The following GRM8 variants were observed in gnomAD, a reference collection of about 807,000 sequenced individuals.
GRM8 encodes glutamate metabotropic receptor 8.
GRM8 carries 47 observed loss-of-function variants against 87.2 expected under a neutral mutation model. That is an observed-to-expected ratio of 0.54 (90% confidence interval 0.43 to 0.69). GRM8 has a LOEUF of 0.69. GRM8 is among the 30% of genes least tolerant of loss of function. GRM8 has a pLI of 0.00. For missense variants in GRM8, 1,019 were observed against 1,139.2 expected (o/e 0.89, Z 1.52); for synonymous variants, 396 against 404.5 (o/e 0.98, Z 0.25).
chr7:126,534,546 C>T (rs940789418), intron 8 of GRM8, among the ~76,000 whole-genome samples: 1 of 151,964 alleles, frequency 6.6e-6, no homozygotes, highest in Non-Finnish European at 1.5e-5. Context: ...TTTTACTGAA[C>T]GAAAGTGGCC....
At chr7:127,180,050 A>G (rs924511119) in intron 2 of GRM8, among the ~76,000 whole-genome samples, 1 of 152,084 alleles carries the variant, frequency 6.6e-6, no homozygotes, top group African/African-American at 2.4e-5. Flanking sequence ...AAAAAGATAA[A>G]TGAAACAAAA....
intron 7 of GRM8, among the ~76,000 whole-genome samples, chr7:126,615,223 C>T (rs1032840397): frequency 6.6e-6 from 1 of 152,278 alleles, no homozygotes; most frequent in South Asian, 2.1e-4. Flanking sequence ...CAATATTCAA[C>T]ATTCTTAAAG....
chr7:126,876,205 C>T (rs1371726585), intron 6 of GRM8, among the ~76,000 whole-genome samples: 2 of 152,182 alleles, frequency 1.3e-5, no homozygotes, highest in Non-Finnish European at 2.9e-5. Context: ...AGAACAATTT[C>T]TTGAGGCTAG....
chr7:126,442,089 C>A (rs1263157567), intron 10 of GRM8, among the ~76,000 whole-genome samples: 1 of 151,904 alleles, frequency 6.6e-6, no homozygotes, highest in Non-Finnish European at 1.5e-5. Context: ...CCTGTAAGGT[C>A]AAAAGCAGAA....
intron 6 of GRM8, among the ~76,000 whole-genome samples, chr7:126,887,110 C>G (rs1800568790): frequency 6.6e-6 from 1 of 152,038 alleles, no homozygotes; most frequent in Non-Finnish European, 1.5e-5. Context: ...AGGATGAATG[C>G]ACCTGAAAAT....
At chr7:127,175,609 C>T (rs1264409385) in intron 2 of GRM8, among the ~76,000 whole-genome samples, 2 of 152,104 alleles carry the variant, frequency 1.3e-5, no homozygotes, top group Non-Finnish European at 2.9e-5. Context: ...AAACACTTTA[C>T]CTATAGAAAA....
chr7:127,142,536 AAATT>A (rs1828330690), intron 2 of GRM8, among the ~76,000 whole-genome samples: 1 of 152,228 alleles, frequency 6.6e-6, no homozygotes, highest in African/African-American at 2.4e-5. Context: ...AAATGTACTC[AAATT>A]AATTCAGAAA....
At chr7:126,468,512 C>A (rs1450896166) in intron 9 of GRM8, among the ~76,000 whole-genome samples, 1 of 152,068 alleles carries the variant, frequency 6.6e-6, no homozygotes, top group East Asian at 1.9e-4. Flanking sequence ...TTACCCACAT[C>A]AACAATTCTT....
intron 3 of GRM8, among the ~76,000 whole-genome samples, chr7:126,993,854 G>C (rs1812910546): frequency 6.6e-6 from 1 of 152,164 alleles, no homozygotes; most frequent in South Asian, 2.1e-4. Flanking sequence ...TGCAAGTCTT[G>C]CTACTGCAGG....
rs1175196903 is a variant in GRM8 at position 127,041,532 on chromosome 7, T to C, written c.727+64964A>G. 2.6e-5 allele frequency among the ~76,000 whole-genome samples: 4 copies of C among 152,232 alleles called. No individual in the cohort carries two copies. In the East Asian group the frequency reaches 7.7e-4, roughly 29 times the overall value. ...AATTAACAAAATGTATTCTCTACCA[T>C]TTAAGAGGAAGACAAATGTACCAAC... On this transcript the variant is annotated intron_variant, in intron 3 of 10. Coordinates refer to ENST00000339582, the MANE Select transcript of GRM8 (RefSeq NM_000845.3).
At chr7:126,806,687 T>A (rs1054156686) in intron 6 of GRM8, among the ~76,000 whole-genome samples, 1 of 152,252 alleles carries the variant, frequency 6.6e-6, no homozygotes, top group Non-Finnish European at 1.5e-5. Context: ...CGGCTTCACC[T>A]GTCACTGGCA....
At chr7:126,832,346 G>C (rs145403979) in intron 6 of GRM8, among the ~76,000 whole-genome samples, 1 of 151,890 alleles carries the variant, frequency 6.6e-6, no homozygotes, top group Non-Finnish European at 1.5e-5. Flanking sequence ...CTCAAACATC[G>C]TCTTACTTGT....
rs1400253772 is a variant in GRM8, at chr7:126,487,899, T to C, written c.2431-41527A>G. On this transcript the variant is annotated intron_variant, in intron 9 of 10. Transcript: ENST00000339582. ...TGTTTCTTTGAAGTGACAAGCTTAC[T>C]CCACTCATTTTCAAGGAAATATCCA... is the stretch of plus-strand genomic sequence containing the variant. Among the ~76,000 whole-genome samples the C allele has an allele frequency of 2.0e-5, 3 of 152,046 alleles. No homozygotes were observed. The East Asian group carries it at 5.8e-4, about 30-fold the overall frequency.
chr7:126,858,598 C>T (rs989236069), intron 6 of GRM8, among the ~76,000 whole-genome samples: 1 of 152,164 alleles, frequency 6.6e-6, no homozygotes, highest in Admixed American at 6.5e-5. Flanking sequence ...ATTTCCCAAA[C>T]AGGCCAGTTT....
chr7:127,033,201 T>C (rs1049088819), intron 3 of GRM8, among the ~76,000 whole-genome samples: 4 of 152,064 alleles, frequency 2.6e-5, no homozygotes, highest in South Asian at 2.1e-4. Flanking sequence ...TTTTGATCTA[T>C]AGACCTACGT....
At chr7:127,151,057 C>T (rs1380262546) in intron 2 of GRM8, among the ~76,000 whole-genome samples, 1 of 152,008 alleles carries the variant, frequency 6.6e-6, no homozygotes, top group Admixed American at 6.6e-5. Flanking sequence ...CACTTTCCTT[C>T]CTTGGGGAAC....
intron 6 of GRM8, among the ~76,000 whole-genome samples, chr7:126,775,385 T>C (rs1289602121): frequency 6.6e-6 from 1 of 151,962 alleles, no homozygotes; most frequent in African/African-American, 2.4e-5. Flanking sequence ...AGATATATTG[T>C]TACTGCATAG....
At chr7:126,612,967 A>C (rs974662519) in intron 7 of GRM8, among the ~76,000 whole-genome samples, 2 of 152,232 alleles carry the variant, frequency 1.3e-5, no homozygotes, top group African/African-American at 4.8e-5. Flanking sequence ...ATGGGCTCTG[A>C]GTTAATCACC....
chr7:127,216,527 A>C (rs1469531615), intron 2 of GRM8, among the ~76,000 whole-genome samples: 3 of 150,660 alleles, frequency 2.0e-5, no homozygotes, highest in African/African-American at 4.9e-5. Context: ...CAAAAAAAAA[A>C]AAAAAAACAA....
Sources: allele counts gnomAD v4.1 joint callset (sites outside exome capture counted in the v4.1 genomes callset), GRCh38; gene constraint gnomAD v4.1.1; transcripts MANE v1.5; gene names NCBI Gene and HGNC (gene_info 2026-07-23, HGNC 2026-07-21).